ACLY: variants seen among roughly 807,000 people sequenced by gnomAD.
The protein encoded by ACLY is ATP citrate lyase, also known as ATP-citrate synthase.
ACLY carries 41 observed loss-of-function variants against 133.0 expected under a neutral mutation model. That is an observed-to-expected ratio of 0.31 (90% CI 0.24 to 0.40). The LOEUF is 0.40. ACLY is among the 10% of genes least tolerant of loss of function. The pLI is 1.00. For synonymous variants in ACLY, 495 were observed against 549.3 expected (o/e 0.90, Z 1.38); for missense variants, 1,046 against 1,453.8 (o/e 0.72, Z 4.56).
upstream of ACLY, among the ~76,000 whole-genome samples, chr17:41,920,798 G>A (rs2050170469): frequency 6.6e-6 from 1 of 152,080 alleles, no homozygotes; most frequent in Admixed American, 6.6e-5. Context: ...TCACATGCCT[G>A]TAATCCCAGC....
At chr17:41,891,541 C>T (rs2049212134) in intron 16 of ACLY, among the ~76,000 whole-genome samples, 1 of 151,854 alleles carries the variant, frequency 6.6e-6, no homozygotes, top group African/African-American at 2.4e-5. Flanking sequence ...GCCACCATGT[C>T]CAGCTAATTC....
At chr17:41,899,101 C>G (rs1183306805) in intron 11 of ACLY, among the ~76,000 whole-genome samples, 1 of 151,990 alleles carries the variant, frequency 6.6e-6, no homozygotes, top group African/African-American at 2.4e-5. Flanking sequence ...GTGGTGAAAC[C>G]CTGTCTCTAC....
rs782387518 is a variant in ACLY at position 41,909,636 on chromosome 17, T to G, written c.410A>C (p.Glu137Ala). 1 of 1,613,996 alleles carries G rather than the reference T, an allele frequency of 6.2e-7. No homozygotes were observed. The highest frequency in any genetic ancestry group is 2.2e-5 in the East Asian group (1 of 44,894). The part of the protein sequence containing the change: ...REGDYVLFHH[E>A]GGVDVGDVDA... ...CACATCACCCACGTCCACACCCCCC[T>G]CGTGGTGGAACAGGACGTAGTCCCC... is the stretch of plus-strand genomic sequence containing the variant. Residue 137 changes from glutamate (E) to alanine (A), a missense_variant, in exon 5 of 29, where the codon GAG becomes GCG. Physicochemically the swap from Glu to Ala is moderately radical, Grantham distance 107. Around this residue, in one of 4 missense-constraint regions of ACLY, gnomAD observed 227 missense variants for 245.6 expected, o/e 0.92. Transcript: ENST00000352035.
Position 41,902,339 on chromosome 17 carries a change from G to A in ACLY, c.1066-526C>T, listed in dbSNP as rs187304864. Among the ~76,000 whole-genome samples, 39 of 152,132 alleles carry A rather than the reference G, an allele frequency of 2.6e-4. 1 individual carries two copies. Among genetic ancestry groups the A allele is most frequent in the Admixed American group, 1.5e-3 (23 of 15,282 alleles). On this transcript the variant is annotated intron_variant, in intron 10 of 28. Transcript: ENST00000352035. ...AGCGATTCTCCTGTCTCATCCTCCC[G>A]AGTAGCTGGGACTACAGATGTCTGC... is the stretch of plus-strand genomic sequence containing the variant.
intron 11 of ACLY, among the ~76,000 whole-genome samples, chr17:41,900,728 A>AAAT (rs1283391553): frequency 1.3e-5 from 2 of 151,886 alleles, no homozygotes; most frequent in African/African-American, 2.4e-5. Context: ...CTGTCTCAAA[A>AAAT]AATAATAATA....
chr17:41,895,276 G>C (rs1234062193), intron 14 of ACLY, among the ~76,000 whole-genome samples: 1 of 152,148 alleles, frequency 6.6e-6, no homozygotes, highest in African/African-American at 2.4e-5. Flanking sequence ...TGTCACCCCC[G>C]CCAGGTGACG....
chr17:41,876,502 T>C lies in ACLY; in HGVS notation c.2487+1601A>G, dbSNP rs537922740. ...AAAGGTGGGGAAAAGATTGAGAAAT[T>C]GGATGGTTGCCGTGTCTGTGTAGAA... On this transcript the variant is annotated intron_variant, in intron 22 of 28. Transcript: ENST00000352035. Among the ~76,000 whole-genome samples the C allele has an allele frequency of 6.7e-4, 102 of 152,212 alleles. 1 individual carries two copies. Among genetic ancestry groups the C allele is most frequent in the African/African-American group, 2.0e-3 (85 of 41,532 alleles).
intron 23 of ACLY, 79 bp downstream of exon 23, chr17:41,873,732 C>T (rs1424046655): frequency 6.9e-7 from 1 of 1,452,536 alleles, no homozygotes; most frequent in East Asian, 2.5e-5. Flanking sequence ...CCAGGCCTGT[C>T]CACTCCCACC....
At chr17:41,896,572 C>A in intron 14 of ACLY, 48 bp downstream of exon 14, 1 of 1,514,206 alleles carries the variant, frequency 6.6e-7, no homozygotes, top group Non-Finnish European at 8.9e-7. Flanking sequence ...AACTGTCACC[C>A]GCTAACAAAG....
At chr17:41,902,191 A>G (rs182705803) in intron 10 of ACLY, among the ~76,000 whole-genome samples, 26 of 152,336 alleles carry the variant, frequency 1.7e-4, no homozygotes, top group African/African-American at 6.3e-4. Context: ...AATGTCCTAC[A>G]AAAGCTTCTT....
chr17:41,874,177 T>A (rs953423851), intron 22 of ACLY, among the ~76,000 whole-genome samples: 1 of 152,228 alleles, frequency 6.6e-6, no homozygotes, highest in Non-Finnish European at 1.5e-5. Flanking sequence ...GGAGGACCCA[T>A]GACACCACTT....
Position 41,907,471 on chromosome 17 carries a change from G to A in ACLY, c.718C>T (p.Pro240Ser). The part of the protein sequence containing the change: ...KVKWGDIEFP[P>S]PFGREAYPEE... ...GGATATGCCTCCCGCCCGAAGGGGGGAGGGAACTCGATGTCACCCCACTTC... is the reference window on the plus strand; with the variant it reads ...GGATATGCCTCCCGCCCGAAGGGGGAAGGGAACTCGATGTCACCCCACTTC... The change falls in exon 7 of 29, where the codon CCC becomes TCC. Residue 240 changes from proline (P) to serine (S), a missense_variant. By Grantham distance (74) the Pro-to-Ser change is moderately conservative (BLOSUM62 -1). Coordinates refer to ENST00000352035, the MANE Select transcript of ACLY (RefSeq NM_001096.3). The A allele has an allele frequency of 6.2e-7, 1 of 1,614,018 alleles. No individual in the cohort carries two copies. Among genetic ancestry groups the A allele is most frequent in the Non-Finnish European group, 8.5e-7 (1 of 1,179,966 alleles).
chr17:41,873,677 G>T, intron 23 of ACLY, 134 bp downstream of exon 23: 3 of 1,080,606 alleles, frequency 2.8e-6, no homozygotes, highest in South Asian at 2.5e-5. Context: ...TCCTCTGGCC[G>T]CTCAATTGAC....
chr17:41,904,361 G>C, intron 10 of ACLY: 1 of 30,914 alleles, frequency 3.2e-5, no homozygotes, highest in Non-Finnish European at 5.7e-5. Context: ...AAGAAGGAAG[G>C]GAAGGGAAGG....
chr17:41,907,392 T>G lies in ACLY; in HGVS notation c.747+50A>C. The G allele has an allele frequency of 7.4e-6, 11 of 1,491,980 alleles. No homozygotes were observed. In the South Asian group the frequency reaches 1.3e-4, roughly 17 times the overall value. The allele number at this position is 1,491,980 out of a possible 1,614,324, so 92.4% of individuals were successfully genotyped here. On this transcript the variant is annotated intron_variant, in intron 7 of 28. Transcript: ENST00000352035. Reference sequence around the variant, plus strand: ...AAATGCACATCAAAGATGAGTCACCTCCCCACCGCCCTCCCCCCAGTCCCC... The same window carrying G: ...AAATGCACATCAAAGATGAGTCACCGCCCCACCGCCCTCCCCCCAGTCCCC...
chr17:41,921,603 G>A (rs1259646882), upstream of ACLY, among the ~76,000 whole-genome samples: 1 of 152,196 alleles, frequency 6.6e-6, no homozygotes, highest in Non-Finnish European at 1.5e-5. Context: ...GAGAGGCCAA[G>A]GAGGGCTTGA....
intron 20 of ACLY, among the ~76,000 whole-genome samples, chr17:41,881,691 G>T (rs1444991667): frequency 6.6e-6 from 1 of 152,036 alleles, no homozygotes; most frequent in Non-Finnish European, 1.5e-5. Context: ...CCGCCTCCCA[G>T]GTTCAAGCAA....
At position 41,910,364 on chromosome 17, in the gene ACLY, G is replaced by GT. The variant is rs1326962433; in HGVS notation, c.283-81dup. ...GGGCAGAAGGAGGGACTGCACAGGG[G>GT]TGGTGCCCAAGCACTCCCACCACCA... On this transcript the variant is annotated intron_variant, in intron 3 of 28. Transcript: ENST00000352035. 1.9e-5 allele frequency: 25 copies of GT among 1,315,222 alleles called. No homozygotes were observed. In the African/African-American group the frequency reaches 3.3e-4, roughly 18 times the overall value. The allele number at this position is 1,315,222 out of a possible 1,614,324, so 81.5% of individuals were successfully genotyped here. A position where few individuals can be genotyped will look rare whatever the true frequency, so the allele number is the denominator to read the frequency against.
At chr17:41,902,364 C>T in intron 10 of ACLY, among the ~76,000 whole-genome samples, 1 of 152,194 alleles carries the variant, frequency 6.6e-6, no homozygotes, top group Admixed American at 6.5e-5. Flanking sequence ...CAGATGTCTG[C>T]CACCACACCT....
Sources: gnomAD v4.1 joint callset for allele counts (sites outside exome capture counted in the v4.1 genomes callset) on GRCh38, gnomAD v4.1.1 for gene constraint, gnomAD v4.1.1 regional missense constraint, MANE v1.5 for transcripts, NCBI Gene and HGNC (gene_info 2026-07-23, HGNC 2026-07-21) for gene names.